The following PRKN variants were observed in gnomAD, a reference collection of about 807,000 sequenced individuals.
PRKN encodes the protein parkin RBR E3 ubiquitin protein ligase, also known as E3 ubiquitin-protein ligase parkin.
Under a neutral mutation model 59.5 loss-of-function variants are expected in PRKN, and 56 were observed. That is an observed-to-expected ratio of 0.94 (90% CI 0.76 to 1.18). The LOEUF is 1.18. Among genes scored for constraint, PRKN ranks in the 50% most tolerant of loss-of-function variants. The probability of loss-of-function intolerance (pLI) is 0.00; values close to 1 mark genes in which losing one functional copy is unlikely to be tolerated. For synonymous variants in PRKN, 250 were observed against 222.1 expected, an observed-to-expected ratio of 1.13 and a Z score of -1.12; for missense variants, 657 against 596.4, an observed-to-expected ratio of 1.10 and a Z score of -1.06.
chr6:162,654,845 TGG>T (rs10716995), intron 1 of PRKN, among the ~76,000 whole-genome samples: 1 of 151,694 alleles, frequency 6.6e-6, no homozygotes, highest in Non-Finnish European at 1.5e-5. Context: ...CAGAGTGAAG[TGG>T]GGGGGGAAAT....
chr6:162,498,533 C>T (rs1442186021), intron 1 of PRKN, among the ~76,000 whole-genome samples: 1 of 142,538 alleles, frequency 7.0e-6, no homozygotes, highest in African/African-American at 2.6e-5. Context: ...GCAACCTCTG[C>T]CTCCTGGGTT....
intron 6 of PRKN, among the ~76,000 whole-genome samples, chr6:161,902,965 T>C (rs6455783): frequency 0.27 from 41,392 of 152,110 alleles, 5,835 homozygotes; most frequent in Middle Eastern, 0.35. Context: ...TGCTGCAAGA[T>C]GGGCAAGACG....
chr6:161,551,264 A>G lies in PRKN; in HGVS notation c.934-2261T>C, dbSNP rs1299236834. 6.6e-6 allele frequency among the ~76,000 whole-genome samples: 1 copy of G among 152,164 alleles called. No individual in the cohort carries two copies. The highest frequency in any genetic ancestry group is 1.5e-5 in the Non-Finnish European group (1 of 68,024). On this transcript the variant is annotated intron_variant, in intron 8 of 11. Coordinates refer to ENST00000366898, the MANE Select transcript of PRKN (RefSeq NM_004562.3). The surrounding 1 kb of genome is among the most constrained non-coding windows in gnomAD (Gnocchi z 5.2). Reference sequence around the variant, plus strand: ...ACCCTTGCCCACAGCACAGCCCCAAATGCCAAGGAAGGACCTGGGGAGGCG... The same window carrying G: ...ACCCTTGCCCACAGCACAGCCCCAAGTGCCAAGGAAGGACCTGGGGAGGCG...
At chr6:162,173,262 A>G (rs1158451186) in intron 4 of PRKN, among the ~76,000 whole-genome samples, 2 of 152,144 alleles carry the variant, frequency 1.3e-5, no homozygotes, top group African/African-American at 4.8e-5. Flanking sequence ...TTGCCCCCAG[A>G]TTCAGAACTC....
At position 161,730,009 on chromosome 6, in the gene PRKN, C is replaced by A. The variant is rs141611275; in HGVS notation, c.871+55763G>T. ...GTGTTGCATTCTGATATGTTGCATT[C>A]TTTCTGATGTGTTGCATTCTGATGT... On this transcript the variant is annotated intron_variant, in intron 7 of 11. Transcript: ENST00000366898. Among the ~76,000 whole-genome samples, 1,014 of 152,048 alleles carry A rather than the reference C, an allele frequency of 6.7e-3. 16 individuals are homozygous for A. Among genetic ancestry groups the A allele is most frequent in the African/African-American group, 0.023 (958 of 41,468 alleles).
At chr6:161,773,401 C>T (rs956207477) in intron 7 of PRKN, among the ~76,000 whole-genome samples, 7 of 152,140 alleles carry the variant, frequency 4.6e-5, no homozygotes, top group African/African-American at 1.7e-4. Flanking sequence ...GCTGACGAGG[C>T]AGGGGGAAAG....
At chr6:161,811,964 G>C (rs908208596) in intron 6 of PRKN, among the ~76,000 whole-genome samples, 4 of 151,564 alleles carry the variant, frequency 2.6e-5, no homozygotes, top group Admixed American at 2.6e-4. Context: ...AAAAAATCTA[G>C]AAGGAAAAAT....
intron 7 of PRKN, among the ~76,000 whole-genome samples, chr6:161,638,306 T>TG (rs1050035719): frequency 3.9e-5 from 6 of 151,954 alleles, no homozygotes; most frequent in African/African-American, 1.5e-4. Context: ...CTAAATTTTT[T>TG]TGTGTTTCAG....
At position 161,593,798 on chromosome 6, in the gene PRKN, A is replaced by G. The variant is rs1781813445; in HGVS notation, c.872-24382T>C. Among the ~76,000 whole-genome samples the G allele has an allele frequency of 6.6e-6, 1 of 152,140 alleles. No individual in the cohort carries two copies. Among genetic ancestry groups the G allele is most frequent in the African/African-American group, 2.4e-5 (1 of 41,430 alleles). ...AAGAGAAGAAGGTGAGTGTTTGGAG[A>G]GTAGAGAGTGACACACCAAGTCATG... On this transcript the variant is annotated intron_variant, in intron 7 of 11. Coordinates refer to ENST00000366898, the MANE Select transcript of PRKN (RefSeq NM_004562.3). The surrounding 1 kb of genome is among the most constrained non-coding windows in gnomAD (Gnocchi z 4.8).
intron 6 of PRKN, among the ~76,000 whole-genome samples, chr6:161,970,586 G>A (rs774161860): frequency 4.6e-5 from 7 of 151,420 alleles, no homozygotes; most frequent in Non-Finnish European, 7.4e-5. Flanking sequence ...CACCCTGGCT[G>A]GAGCGCAGTG....
rs1166432652 is a variant in PRKN, at chr6:161,487,785, C to A, written c.1083+61069G>T. ...TGCTTTGGGCATACCCTGCCTCCAGCATGAAGTCTGGCACTAGGAATTTCC... is the reference window on the plus strand; with the variant it reads ...TGCTTTGGGCATACCCTGCCTCCAGAATGAAGTCTGGCACTAGGAATTTCC... On this transcript the variant is annotated intron_variant, in intron 9 of 11. Coordinates refer to ENST00000366898, the MANE Select transcript of PRKN (RefSeq NM_004562.3). The surrounding 1 kb of genome is among the most constrained non-coding windows in gnomAD (Gnocchi z 5.3). Among the ~76,000 whole-genome samples, 2 of 152,182 alleles carry A rather than the reference C, an allele frequency of 1.3e-5. No homozygotes were observed. The highest frequency in any genetic ancestry group is 2.9e-5 in the Non-Finnish European group (2 of 68,042).
intron 4 of PRKN, among the ~76,000 whole-genome samples, chr6:162,082,306 C>CTT (rs1347705001): frequency 1.3e-5 from 2 of 152,028 alleles, no homozygotes; most frequent in Non-Finnish European, 2.9e-5. Context: ...ATTATGAGGC[C>CTT]TCCCCAGCCA....
At chr6:162,363,800 C>G (rs1785277778) in intron 2 of PRKN, among the ~76,000 whole-genome samples, 2 of 152,180 alleles carry the variant, frequency 1.3e-5, no homozygotes, top group African/African-American at 2.4e-5. Context: ...TCTTGCTGGA[C>G]TTGCCAAGAT....
Position 161,417,030 on chromosome 6 carries a change from T to A in PRKN, c.1084-30153A>T, listed in dbSNP as rs192361083. On this transcript the variant is annotated intron_variant, in intron 9 of 11. Coordinates refer to ENST00000366898, the MANE Select transcript of PRKN (RefSeq NM_004562.3). This position sits in a 1 kb window ranked among gnomAD's most constrained non-coding sequence, Gnocchi z 5.4. ...GAGGGAGATGGGGCCGAGGAAGGAG[T>A]AGGAGGTGTGGCTATGCTAGCTCAT... 1.3e-5 allele frequency among the ~76,000 whole-genome samples: 2 copies of A among 152,134 alleles called. No homozygotes were observed. Among genetic ancestry groups the A allele is most frequent in the Admixed American group, 1.3e-4 (2 of 15,298 alleles).
intron 2 of PRKN, chr6:162,266,613 A>G (rs1220978642): frequency 6.6e-6 from 1 of 152,224 alleles, no homozygotes; most frequent in African/African-American, 2.4e-5. Context: ...CACAGAATTT[A>G]AAGTCAAACG....
Position 161,419,591 on chromosome 6 carries a change from T to C in PRKN, c.1084-32714A>G, listed in dbSNP as rs1471363417. Among the ~76,000 whole-genome samples, 2 of 151,748 alleles carry C rather than the reference T, an allele frequency of 1.3e-5. No homozygotes were observed. The highest frequency in any genetic ancestry group is 2.4e-5 in the African/African-American group (1 of 41,288). ...TTTTAAAAAACGGGGTTTCACCATG[T>C]TGACCAGGCTGGTCTCAAACTCCTG... On this transcript the variant is annotated intron_variant, in intron 9 of 11. Transcript: ENST00000366898. This position sits in a 1 kb window ranked among gnomAD's most constrained non-coding sequence, Gnocchi z 4.1.
At chr6:162,404,308 T>C (rs1469602594) in intron 2 of PRKN, among the ~76,000 whole-genome samples, 2 of 148,556 alleles carry the variant, frequency 1.3e-5, no homozygotes, top group African/African-American at 5.0e-5. Context: ...AGGTGGAGGT[T>C]GCAGTGAGCC....
intron 2 of PRKN, among the ~76,000 whole-genome samples, chr6:162,390,397 A>ATATACG (rs57999063): frequency 8.1e-5 from 7 of 86,138 alleles, no homozygotes; most frequent in Non-Finnish European, 1.5e-4. Flanking sequence ...ATATATATAT[A>ATATACG]CACACACACA....
chr6:162,559,334 A>T (rs1382314580), intron 1 of PRKN, among the ~76,000 whole-genome samples: 3 of 151,948 alleles, frequency 2.0e-5, no homozygotes, highest in Non-Finnish European at 4.4e-5. Flanking sequence ...TTCTATCAAA[A>T]CCTTAAAAAC....
Sources: gnomAD v4.1 joint callset for allele counts (sites outside exome capture counted in the v4.1 genomes callset) on GRCh38, gnomAD v4.1.1 for gene constraint, Gnocchi (gnomAD v3.1) non-coding constraint, MANE v1.5 for transcripts, NCBI Gene and HGNC (gene_info 2026-07-23, HGNC 2026-07-21) for gene names.